NCOA7: variants seen among roughly 807,000 people sequenced by gnomAD.
NCOA7 encodes the protein 140 kDa estrogen receptor-associated protein.
Under a neutral mutation model 104.3 loss-of-function variants are expected in NCOA7, and 45 were observed. The observed-to-expected ratio is 0.43, with a 90% CI of 0.34 to 0.55. The LOEUF is 0.55. NCOA7 is among the 20% of genes least tolerant of loss of function. The probability of loss-of-function intolerance (pLI) is 0.02; values close to 1 mark genes in which losing one functional copy is unlikely to be tolerated. For synonymous variants in NCOA7, 398 were observed against 402.3 expected (o/e 0.99, Z 0.13); for missense variants, 1,041 against 1,119.7 (o/e 0.93, Z 1.00).
chr6:125,857,053 A>G (rs1781622186), intron 3 of NCOA7, among the ~76,000 whole-genome samples: 1 of 152,196 alleles, frequency 6.6e-6, no homozygotes. Context: ...ATGATAGTAT[A>G]ATGTATTACA....
intron 10 of NCOA7, among the ~76,000 whole-genome samples, chr6:125,906,529 T>C (rs906872052): frequency 3.9e-5 from 6 of 152,048 alleles, no homozygotes; most frequent in African/African-American, 1.4e-4. Context: ...GGAAAGATTA[T>C]TGTGTTTGTT....
chr6:125,895,227 G>C (rs1160752112), intron 10 of NCOA7, among the ~76,000 whole-genome samples: 1 of 152,094 alleles, frequency 6.6e-6, no homozygotes, highest in Non-Finnish European at 1.5e-5. Flanking sequence ...GATGGAAATA[G>C]TGTTAAGTAG....
intron 1 of NCOA7, among the ~76,000 whole-genome samples, chr6:125,798,774 A>G (rs539224857): frequency 6.6e-6 from 1 of 152,318 alleles, no homozygotes; most frequent in South Asian, 2.1e-4. Flanking sequence ...TTTATTTGGT[A>G]TCCATATGTA....
At position 125,882,532 on chromosome 6, in the gene NCOA7, G is replaced by A. The variant is rs1333205917; in HGVS notation, c.680G>A (p.Arg227Gln). The stretch of plus-strand genomic sequence containing the variant: ...GTGAAATTTTTAAAAATGAATTGTC[G>A]ATACTTCACCGATGGAAAGGTATAT... ...GVVKFLKMNC[R>Q]YFTDGKGVVG... The change falls in exon 7 of 16, where the codon CGA becomes CAA. Residue 227 changes from arginine (R) to glutamine (Q), a missense_variant. Arg to Gln is a conservative substitution (Grantham distance 43, BLOSUM62 1). Transcript: ENST00000392477. 7.4e-6 allele frequency: 12 copies of A among 1,612,860 alleles called. No individual in the cohort carries two copies. The highest frequency in any genetic ancestry group is 3.3e-5 in the Admixed American group (2 of 59,928).
intron 10 of NCOA7, among the ~76,000 whole-genome samples, chr6:125,897,113 G>C (rs897434416): frequency 6.6e-6 from 1 of 152,180 alleles, no homozygotes; most frequent in Non-Finnish European, 1.5e-5. Context: ...ACGTATACAT[G>C]CGCACACAGG....
intron 2 of NCOA7, among the ~76,000 whole-genome samples, chr6:125,837,210 CT>C (rs60046357): frequency 0.036 from 5,468 of 152,098 alleles, 327 homozygotes; most frequent in African/African-American, 0.12. Context: ...TATAATTAGC[CT>C]GCTTCATCTT....
At chr6:125,794,409 C>A (rs914343643) in intron 1 of NCOA7, among the ~76,000 whole-genome samples, 4 of 152,168 alleles carry the variant, frequency 2.6e-5, no homozygotes, top group Non-Finnish European at 5.9e-5. Context: ...TATAAAAATT[C>A]ATAACCTAAT....
At chr6:125,803,866 CT>C (rs1175156013) in intron 1 of NCOA7, among the ~76,000 whole-genome samples, 1 of 152,164 alleles carries the variant, frequency 6.6e-6, no homozygotes, top group Non-Finnish European at 1.5e-5. Context: ...TATCAGTTAA[CT>C]CTTAATTCAG....
chr6:125,922,626 T>C (rs576128528), intron 12 of NCOA7, 56 bp from the exon 13 acceptor site: 18 of 1,582,852 alleles, frequency 1.1e-5, no homozygotes, highest in Non-Finnish European at 1.4e-5. Flanking sequence ...TGCCACATGT[T>C]CGTGAGCAAT....
At chr6:125,922,032 C>T (rs1291630633) in intron 12 of NCOA7, among the ~76,000 whole-genome samples, 1 of 152,160 alleles carries the variant, frequency 6.6e-6, no homozygotes, top group African/African-American at 2.4e-5. Context: ...AGCCAAGAAG[C>T]TTGACCAAGT....
intron 2 of NCOA7, among the ~76,000 whole-genome samples, chr6:125,815,643 C>T (rs1777518720): frequency 6.6e-6 from 1 of 152,192 alleles, no homozygotes; most frequent in Admixed American, 6.5e-5. Context: ...TCAGCGAATC[C>T]AGCTGTCATG....
At chr6:125,878,511 T>G in intron 5 of NCOA7, 141 bp downstream of exon 5, 2 of 564,510 alleles carry the variant, frequency 3.5e-6, no homozygotes, top group Non-Finnish European at 5.8e-6. Context: ...TCCTTTATTT[T>G]TATTTATTTA....
chr6:125,922,648 CCTTCTGTTTA>C (rs1300317557), intron 12 of NCOA7, 24 bp from the exon 13 acceptor site: 3 of 1,594,062 alleles, frequency 1.9e-6, no homozygotes, highest in Non-Finnish European at 2.6e-6. Context: ...TGTGGGTGAA[CCTTCTGTTTA>C]CATCTCTTCC....
chr6:125,891,346 T>C (rs1245248296), intron 10 of NCOA7, among the ~76,000 whole-genome samples: 1 of 152,190 alleles, frequency 6.6e-6, no homozygotes, highest in Non-Finnish European at 1.5e-5. Flanking sequence ...GAAGATACCT[T>C]CTTGGTTATG....
intron 1 of NCOA7, among the ~76,000 whole-genome samples, chr6:125,800,402 T>C (rs1011270907): frequency 3.3e-5 from 5 of 152,354 alleles, no homozygotes; most frequent in Admixed American, 3.3e-4. Flanking sequence ...TAATTATTAG[T>C]ACAGAGGACA....
chr6:125,783,331 AG>A (rs1774310992), intron 1 of NCOA7, among the ~76,000 whole-genome samples: 1 of 152,216 alleles, frequency 6.6e-6, no homozygotes, highest in South Asian at 2.1e-4. Flanking sequence ...TGATTCTTTG[AG>A]ACTGTAGACC....
intron 10 of NCOA7, among the ~76,000 whole-genome samples, chr6:125,913,050 C>T (rs938543282): frequency 1.3e-5 from 2 of 152,130 alleles, no homozygotes; most frequent in African/African-American, 2.4e-5. Context: ...TCTCCCACCC[C>T]ATTCCATTCC....
intron 7 of NCOA7, among the ~76,000 whole-genome samples, chr6:125,883,352 C>T (rs540183415): frequency 6.6e-6 from 1 of 152,248 alleles, no homozygotes; most frequent in South Asian, 2.1e-4. Context: ...TTTTAAAAGA[C>T]AGCTTTATTG....
At position 125,889,381 on chromosome 6, in the gene NCOA7, G is replaced by C. The variant is rs767033570; in HGVS notation, c.1327G>C (p.Asp443His). 2 of 1,613,778 alleles carry C rather than the reference G, an allele frequency of 1.2e-6. No individual in the cohort carries two copies. The highest frequency in any genetic ancestry group is 1.1e-5 in the South Asian group (1 of 91,034). Reference protein sequence around the residue: ...KDTLKECLSLDPEERKKAESQ... With the variant: ...KDTLKECLSLHPEERKKAESQ... ...CACCTTGAAGGAGTGCCTTTCTCTT[G>C]ACCCAGAGGAACGAAAGAAAGCTGA... The change falls in exon 9 of 16, where the codon GAC becomes CAC. Residue 443 changes from aspartate (D) to histidine (H), a missense_variant. Coordinates refer to ENST00000392477, the MANE Select transcript of NCOA7 (RefSeq NM_181782.5).
Sources: allele counts gnomAD v4.1 joint callset (sites outside exome capture counted in the v4.1 genomes callset), GRCh38; gene constraint gnomAD v4.1.1; transcripts MANE v1.5; gene names NCBI Gene and HGNC (gene_info 2026-07-23, HGNC 2026-07-21).